TBC1D32: variants seen among roughly 807,000 people sequenced by gnomAD.
The protein encoded by TBC1D32 is TBC1 domain family member 32.
Under a neutral mutation model 170.3 loss-of-function variants are expected in TBC1D32, and 151 were observed. That is an observed-to-expected ratio of 0.89 (90% CI 0.78 to 1.01). The LOEUF (loss-of-function observed/expected upper bound fraction) is 1.01, where lower values mean the gene tolerates loss of function less well. Ranked by LOEUF, TBC1D32 falls within the 50% of genes least tolerant of loss-of-function variation. TBC1D32 has a pLI of 0.00. For missense variants in TBC1D32, 1,464 were observed against 1,457.1 expected, an observed-to-expected ratio of 1.00 and a Z score of -0.08; for synonymous variants, 498 against 488.0, an observed-to-expected ratio of 1.02 and a Z score of -0.27.
At chr6:121,256,012 C>T in intron 16 of TBC1D32, 72 bp downstream of exon 16, 2 of 1,319,060 alleles carry the variant, frequency 1.5e-6, no homozygotes, top group Non-Finnish European at 2.1e-6. Context: ...ATCCAAAGTA[C>T]AACACTATAA....
chr6:121,158,656 T>G (rs1785207041), intron 24 of TBC1D32, among the ~76,000 whole-genome samples: 1 of 152,180 alleles, frequency 6.6e-6, no homozygotes, highest in African/African-American at 2.4e-5. Context: ...GTTGGCTTTG[T>G]TTCTGGGTGC....
At chr6:121,141,440 T>C (rs1427804606) in intron 24 of TBC1D32, among the ~76,000 whole-genome samples, 1 of 152,154 alleles carries the variant, frequency 6.6e-6, no homozygotes, top group African/African-American at 2.4e-5. Flanking sequence ...CATAAAGTGC[T>C]CTTACAACTC....
chr6:121,178,638 T>C (rs965632200), intron 22 of TBC1D32, among the ~76,000 whole-genome samples: 8 of 152,174 alleles, frequency 5.3e-5, no homozygotes, highest in African/African-American at 7.2e-5. Flanking sequence ...CCCCTTTTCC[T>C]GAGTGTAGGC....
chr6:121,320,033 A>G (rs902871505), intron 2 of TBC1D32, among the ~76,000 whole-genome samples: 1 of 152,094 alleles, frequency 6.6e-6, no homozygotes. Context: ...TCATTATATG[A>G]GGAATAGTGT....
chr6:121,223,962 T>A (rs1168673447), intron 20 of TBC1D32, among the ~76,000 whole-genome samples: 1 of 152,188 alleles, frequency 6.6e-6, no homozygotes, highest in Non-Finnish European at 1.5e-5. Flanking sequence ...CTCAGGCACA[T>A]TTACTCTTGG....
intron 29 of TBC1D32, among the ~76,000 whole-genome samples, chr6:121,110,633 T>G (rs1282062724): frequency 6.6e-6 from 1 of 152,098 alleles, no homozygotes; most frequent in Admixed American, 6.6e-5. Context: ...TCAAATTGCA[T>G]AGAAACCATC....
intron 22 of TBC1D32, among the ~76,000 whole-genome samples, chr6:121,198,693 G>C (rs974382352): frequency 6.6e-6 from 1 of 151,126 alleles, no homozygotes; most frequent in Non-Finnish European, 1.5e-5. Flanking sequence ...GGAGCTTGCA[G>C]TGAGCCGAGA....
chr6:121,191,080 T>A (rs1255831360), intron 22 of TBC1D32, among the ~76,000 whole-genome samples: 1 of 152,168 alleles, frequency 6.6e-6, no homozygotes, highest in Non-Finnish European at 1.5e-5. Flanking sequence ...TATGTATATG[T>A]GCTTGGTTAA....
At chr6:121,128,039 A>G (rs1238350139) in intron 25 of TBC1D32, among the ~76,000 whole-genome samples, 2 of 152,192 alleles carry the variant, frequency 1.3e-5, no homozygotes, top group East Asian at 3.8e-4. Context: ...CACATGACCA[A>G]CTTCATACGT....
At position 121,178,712 on chromosome 6, in the gene TBC1D32, A is replaced by C. The variant is rs114601864; in HGVS notation, c.2571-17656T>G. Among the ~76,000 whole-genome samples, 593 of 152,310 alleles carry C rather than the reference A, an allele frequency of 3.9e-3. 4 individuals are homozygous for C. Among genetic ancestry groups the C allele is most frequent in the African/African-American group, 0.014 (569 of 41,572 alleles). On this transcript the variant is annotated intron_variant, in intron 22 of 31. Coordinates refer to ENST00000398212, the MANE Select transcript of TBC1D32 (RefSeq NM_152730.6). ...TAGGTGATACAATGGATGTGATTAC[A>C]AGATTACATTCCATAAGACTGTAGT... is the stretch of plus-strand genomic sequence containing the variant.
At chr6:121,131,345 T>C (rs1263479557) in intron 25 of TBC1D32, among the ~76,000 whole-genome samples, 1 of 151,442 alleles carries the variant, frequency 6.6e-6, no homozygotes, top group African/African-American at 2.4e-5. Flanking sequence ...CATATTCAGG[T>C]AAAAACTGAA....
intron 22 of TBC1D32, among the ~76,000 whole-genome samples, chr6:121,190,888 C>T (rs1311680371): frequency 6.6e-6 from 1 of 151,812 alleles, no homozygotes; most frequent in Non-Finnish European, 1.5e-5. Flanking sequence ...AGTCATAAGC[C>T]CCTTCTCTTT....
chr6:121,093,699 T>G (rs1299618551), intron 30 of TBC1D32, among the ~76,000 whole-genome samples: 2 of 152,166 alleles, frequency 1.3e-5, no homozygotes, highest in African/African-American at 4.8e-5. Flanking sequence ...CAGTTATAAT[T>G]TTTTGGCATG....
At chr6:121,154,719 C>T (rs1406512305) in intron 24 of TBC1D32, among the ~76,000 whole-genome samples, 2 of 152,136 alleles carry the variant, frequency 1.3e-5, no homozygotes, top group African/African-American at 2.4e-5. Context: ...AGAGTTTCTG[C>T]ACAGCAAAAG....
chr6:121,310,676 G>C, intron 4 of TBC1D32, 103 bp downstream of exon 4: 1 of 761,350 alleles, frequency 1.3e-6, no homozygotes, highest in Non-Finnish European at 2.2e-6. Context: ...TAATCATAAA[G>C]GCTTAGCCTC....
chr6:121,304,644 CAT>C lies in TBC1D32; in HGVS notation c.770-21_770-20del, dbSNP rs1416879757. ...TACTTAGCTGAAAAAAAAGGGAAAACATAAAATTACATCATTCATTTACAGTG... is the reference window on the plus strand; with the variant it reads ...TACTTAGCTGAAAAAAAAGGGAAAACAAAATTACATCATTCATTTACAGTG... On this transcript the variant is annotated intron_variant, in intron 6 of 31. Coordinates refer to ENST00000398212, the MANE Select transcript of TBC1D32 (RefSeq NM_152730.6). The C allele has an allele frequency of 1.9e-6, 3 of 1,567,094 alleles. No homozygotes were observed. Among genetic ancestry groups the C allele is most frequent in the South Asian group, 1.2e-5 (1 of 85,748 alleles).
At position 121,299,546 on chromosome 6, in the gene TBC1D32, C is replaced by A. The variant is rs778743244; in HGVS notation, c.1081-41G>T. The A allele has an allele frequency of 2.6e-5, 38 of 1,461,392 alleles. No individual in the cohort carries two copies. The South Asian group carries it at 4.3e-4, about 17-fold the overall frequency. 90.5% of individuals were successfully genotyped at this position (1,461,392 alleles called of 1,614,324 possible). The stretch of plus-strand genomic sequence containing the variant: ...AATGATATTTAATACTCAAGCTGTG[C>A]CACTCAAAATCTATTTTTCCTGCAT... On this transcript the variant is annotated intron_variant, in intron 9 of 31. Coordinates refer to ENST00000398212, the MANE Select transcript of TBC1D32 (RefSeq NM_152730.6).
intron 1 of TBC1D32, among the ~76,000 whole-genome samples, chr6:121,329,587 G>A (rs916128990): frequency 1.6e-4 from 24 of 152,246 alleles, no homozygotes; most frequent in African/African-American, 5.3e-4. Context: ...GGGAGGCAGA[G>A]GTTGCAGCGA....
intron 21 of TBC1D32, among the ~76,000 whole-genome samples, chr6:121,222,504 G>C (rs1324759501): frequency 6.6e-6 from 1 of 151,574 alleles, no homozygotes; most frequent in African/African-American, 2.4e-5. Context: ...TCCCAAAGTA[G>C]ACAAAATTTT....
Sources: gnomAD v4.1 joint callset for allele counts (sites outside exome capture counted in the v4.1 genomes callset) on GRCh38, gnomAD v4.1.1 for gene constraint, MANE v1.5 for transcripts, NCBI Gene and HGNC (gene_info 2026-07-23, HGNC 2026-07-21) for gene names.